Variants in ERBB4 observed in about 807,000 individuals in gnomAD.
ERBB4 encodes the protein erb-b2 receptor tyrosine kinase 4.
ERBB4 carries 42 observed loss-of-function variants against 158.0 expected under a neutral mutation model. The observed-to-expected ratio is 0.27, with a 90% CI of 0.21 to 0.34. The LOEUF (loss-of-function observed/expected upper bound fraction) is 0.34. Ranked by LOEUF, ERBB4 falls within the 10% of genes least tolerant of loss-of-function variation. The pLI, the probability that ERBB4 is intolerant of heterozygous loss-of-function variation, is 1.00. For synonymous variants in ERBB4, 583 were observed against 558.7 expected (o/e 1.04, Z -0.61); for missense variants, 1,333 against 1,624.1 (o/e 0.82, Z 3.08).
intron 2 of ERBB4, 94 bp downstream of exon 2, chr2:212,124,658 G>A: frequency 7.2e-6 from 10 of 1,396,030 alleles, no homozygotes; most frequent in Non-Finnish European, 9.2e-6. Flanking sequence ...AGGCAGAAGA[G>A]CACCCCTTCC....
At chr2:211,929,146 A>G (rs2080100350) in intron 3 of ERBB4, among the ~76,000 whole-genome samples, 1 of 151,996 alleles carries the variant, frequency 6.6e-6, no homozygotes, top group South Asian at 2.1e-4. Context: ...CAAATTCTGG[A>G]TATGCAATTT....
chr2:212,077,154 T>C (rs1477872793), intron 2 of ERBB4, among the ~76,000 whole-genome samples: 1 of 151,992 alleles, frequency 6.6e-6, no homozygotes, highest in Non-Finnish European at 1.5e-5. Context: ...TTAGCAAAGA[T>C]ATGGGACAAT....
In ERBB4 at chr2:212,460,047, C is replaced by T. The variant is rs149556260; in HGVS notation, c.82+78402G>A. ...CTGTTCTGATACTGAATAATTCTCA[C>T]AAGATCTGATGGTTTTAAAAAGAGT... On this transcript the variant is annotated intron_variant, in intron 1 of 27. Coordinates refer to ENST00000342788, the MANE Select transcript of ERBB4 (RefSeq NM_005235.3). Among the ~76,000 whole-genome samples, 37 of 152,258 alleles carry T rather than the reference C, an allele frequency of 2.4e-4. No individual in the cohort carries two copies. The East Asian group carries it at 7.1e-3, about 29-fold the overall frequency.
chr2:211,896,689 AATC>A (rs1349840919), intron 3 of ERBB4, among the ~76,000 whole-genome samples: 3 of 152,060 alleles, frequency 2.0e-5, no homozygotes, highest in South Asian at 2.1e-4. Flanking sequence ...TAAAATGACA[AATC>A]ATATCACTTT....
intron 1 of ERBB4, among the ~76,000 whole-genome samples, chr2:212,460,087 A>G (rs1358797540): frequency 6.6e-6 from 1 of 152,100 alleles, no homozygotes; most frequent in Non-Finnish European, 1.5e-5. Context: ...CCCCTGCACA[A>G]GCTCTCTCTC....
At chr2:211,655,833 C>T (rs1390135584) in intron 16 of ERBB4, among the ~76,000 whole-genome samples, 1 of 152,198 alleles carries the variant, frequency 6.6e-6, no homozygotes, top group East Asian at 1.9e-4. Context: ...ACTAACTAGT[C>T]TTGATTGTGC....
intron 1 of ERBB4, among the ~76,000 whole-genome samples, chr2:212,223,106 T>G (rs2083351033): frequency 6.6e-6 from 1 of 151,520 alleles, no homozygotes; most frequent in Non-Finnish European, 1.5e-5. Flanking sequence ...AAACACACAC[T>G]TATACACATA....
At chr2:212,448,378 A>T (rs577927637) in intron 1 of ERBB4, among the ~76,000 whole-genome samples, 3 of 152,296 alleles carry the variant, frequency 2.0e-5, no homozygotes, top group African/African-American at 7.2e-5. Context: ...TGAAAGATTC[A>T]TTTCGGCCTT....
intron 3 of ERBB4, among the ~76,000 whole-genome samples, chr2:211,880,462 T>C (rs143935226): frequency 4.5e-4 from 68 of 152,290 alleles, no homozygotes; most frequent in African/African-American, 1.6e-3. Flanking sequence ...AGATGCCTAA[T>C]AAATGTTCAC....
chr2:211,565,697 G>A (rs1194737065), intron 19 of ERBB4, among the ~76,000 whole-genome samples: 1 of 152,106 alleles, frequency 6.6e-6, no homozygotes, highest in Non-Finnish European at 1.5e-5. Flanking sequence ...AGTGTTTGAT[G>A]GGGTATGTGG....
chr2:211,872,280 G>A (rs919306912), intron 3 of ERBB4, among the ~76,000 whole-genome samples: 2 of 152,066 alleles, frequency 1.3e-5, no homozygotes, highest in African/African-American at 2.4e-5. Flanking sequence ...TACAACATTC[G>A]GGTTCAAGGA....
At chr2:211,630,875 A>G (rs2070094385) in intron 16 of ERBB4, among the ~76,000 whole-genome samples, 1 of 152,158 alleles carries the variant, frequency 6.6e-6, no homozygotes, top group African/African-American at 2.4e-5. Flanking sequence ...AAAAATGTAA[A>G]ACTTGCTAGC....
chr2:211,967,093 A>G (rs2081329260), intron 2 of ERBB4, among the ~76,000 whole-genome samples: 1 of 152,116 alleles, frequency 6.6e-6, no homozygotes, highest in Admixed American at 6.6e-5. Flanking sequence ...TAAATGACAA[A>G]TGCCTGAATG....
chr2:211,393,757 G>T (rs997702003), intron 25 of ERBB4, among the ~76,000 whole-genome samples: 1 of 147,618 alleles, frequency 6.8e-6, no homozygotes, highest in Non-Finnish European at 1.5e-5. Context: ...GTGTGTGTGT[G>T]TGTGTGTGTG....
At chr2:211,705,507 C>T (rs2073405969) in intron 9 of ERBB4, 116 bp from the exon 10 acceptor site, 7 of 739,744 alleles carry the variant, frequency 9.5e-6, no homozygotes, top group Middle Eastern at 2.7e-4. Flanking sequence ...GGGGTGTTAT[C>T]AATGCATGTT....
At chr2:211,688,954 C>T (rs2105989844) in intron 12 of ERBB4, among the ~76,000 whole-genome samples, 2 of 152,038 alleles carry the variant, frequency 1.3e-5, no homozygotes, top group South Asian at 4.2e-4. Context: ...TGGTTTTCTC[C>T]ATGTCTTAAA....
Position 211,602,406 on chromosome 2 carries a change from T to C in ERBB4, c.2301+16771A>G, listed in dbSNP as rs559260020. ...AGCCCCCTCACAATTAAGCACCCAC[T>C]CCCCCACAGCAGCAGCTGCTGATCA... On this transcript the variant is annotated intron_variant, in intron 19 of 27. Coordinates refer to ENST00000342788, the MANE Select transcript of ERBB4 (RefSeq NM_005235.3). 4.6e-5 allele frequency among the ~76,000 whole-genome samples: 7 copies of C among 151,698 alleles called. No homozygotes were observed. In the East Asian group the frequency reaches 1.4e-3, roughly 30 times the overall value.
At chr2:211,866,762 A>G (rs931256144) in intron 3 of ERBB4, among the ~76,000 whole-genome samples, 2 of 152,178 alleles carry the variant, frequency 1.3e-5, no homozygotes, top group Admixed American at 6.5e-5. Flanking sequence ...TTGTTTTTCA[A>G]TAAAGGTGAA....
intron 2 of ERBB4, among the ~76,000 whole-genome samples, chr2:211,963,702 AT>A (rs557078544): frequency 6.6e-6 from 1 of 151,252 alleles, no homozygotes; most frequent in East Asian, 1.9e-4. Flanking sequence ...TGTTGATTTG[AT>A]TTTTTTTCAT....
Sources: gnomAD v4.1 joint callset for allele counts (sites outside exome capture counted in the v4.1 genomes callset) on GRCh38, gnomAD v4.1.1 for gene constraint, MANE v1.5 for transcripts, NCBI Gene and HGNC (gene_info 2026-07-23, HGNC 2026-07-21) for gene names.